Variants in ZNF117 observed in about 807,000 individuals in gnomAD.
ZNF117 encodes the protein zinc finger protein 117.
Under a neutral mutation model 41.2 loss-of-function variants are expected in ZNF117, and 37 were observed. The observed-to-expected ratio is 0.90, with a 90% CI of 0.69 to 1.18. The LOEUF (loss-of-function observed/expected upper bound fraction) is 1.18, where lower values mean the gene tolerates loss of function less well. Ranked by LOEUF, ZNF117 falls within the 50% of genes most tolerant of loss-of-function variation. The probability of loss-of-function intolerance (pLI) is 0.00; values close to 1 mark genes in which losing one functional copy is unlikely to be tolerated. For missense variants in ZNF117, 546 were observed against 557.5 expected, an observed-to-expected ratio of 0.98 and a Z score of 0.21; for synonymous variants, 186 against 186.6, an observed-to-expected ratio of 1.00 and a Z score of 0.02.
At position 64,977,321 on chromosome 7, in the gene ZNF117, C is replaced by G. The variant is rs1050188362; in HGVS notation, c.*798G>C. ...CACATTCTTCACATTTGTAGCATTT[C>G]TCTCCAGTGTGAATTATCTTATATG... On this transcript the variant is annotated 3_prime_UTR_variant, in exon 3 of 3. Coordinates refer to ENST00000620222, the Ensembl canonical transcript of ZNF117. 3 of 419,522 alleles carry G rather than the reference C, an allele frequency of 7.2e-6. No individual in the cohort carries two copies. In the Admixed American group the frequency reaches 9.5e-5, roughly 13 times the overall value. 26.0% of individuals were successfully genotyped at this position (419,522 alleles called of 1,614,324 possible).
upstream of ZNF117, among the ~76,000 whole-genome samples, chr7:64,984,947 C>T (rs929365651): frequency 1.3e-5 from 2 of 152,246 alleles, no homozygotes; most frequent in East Asian, 1.9e-4. Context: ...CGCGCCACCA[C>T]GCCCGGCTAA....
At chr7:64,981,956 T>TA in intron 1 of ZNF117, 28 bp downstream of exon 2, 1 of 544,548 alleles carries the variant, frequency 1.8e-6, no homozygotes, top group East Asian at 3.3e-5. Flanking sequence ...ACCTTTAGGG[T>TA]ATATTAGAAA....
chr7:64,988,703 A>G (rs12056025), intron 1 of ZNF117, among the ~76,000 whole-genome samples: 77,644 of 152,046 alleles, frequency 0.51, 20,797 homozygotes, highest in Admixed American at 0.63. Flanking sequence ...AAAACCCTAT[A>G]GTCTCCACAG....
At chr7:64,978,790 A>G (rs940570697) in exon 3 of ZNF117, 3 of 1,613,006 alleles carry the variant, frequency 1.9e-6, no homozygotes, top group African/African-American at 2.7e-5. Context: ...AGTTTTGAGG[A>G]TCGGTTAAAA....
At chr7:64,983,815 A>G (rs117133128), upstream of ZNF117, among the ~76,000 whole-genome samples, 1,358 of 152,334 alleles carry the variant, frequency 8.9e-3, 10 homozygotes, top group Middle Eastern at 0.031. Flanking sequence ...TCTAAAACAG[A>G]AACCAAAAGC....
Position 64,981,974 on chromosome 7 carries a change from T to C in ZNF117, c.-63+10A>G, listed in dbSNP as rs767899833. On this transcript the variant is annotated intron_variant, in intron 1 of 2. Transcript: ENST00000620222. ...TTTAGGGTATATTAGAAAATGTGTA[T>C]TGAAGTTACCTTCACCCAAGAAAAC... 1 of 604,742 alleles carries C rather than the reference T, an allele frequency of 1.7e-6. No homozygotes were observed. Among genetic ancestry groups the C allele is most frequent in the Non-Finnish European group, 3.0e-6 (1 of 337,424 alleles). 37.5% of individuals were successfully genotyped at this position (604,742 alleles called of 1,614,324 possible).
At chr7:64,983,433 G>A (rs1010783054), upstream of ZNF117, among the ~76,000 whole-genome samples, 1 of 152,172 alleles carries the variant, frequency 6.6e-6, no homozygotes, top group Non-Finnish European at 1.5e-5. Context: ...AGAGACCCTT[G>A]ACTATCATAA....
chr7:64,989,790 T>C (rs191893451), intron 1 of ZNF117, among the ~76,000 whole-genome samples, 157 bp downstream of exon 1: 1 of 121,152 alleles, frequency 8.3e-6, no homozygotes, highest in Admixed American at 8.5e-5. Flanking sequence ...AGAAGAAGAA[T>C]AAGCCAGGAT....
chr7:64,975,214 A>G (rs898577783), exon 3 of ZNF117: 1 of 151,846 alleles, frequency 6.6e-6, no homozygotes, highest in African/African-American at 2.4e-5. Context: ...ATTGGTCTTA[A>G]CATGTTAAAA....
At chr7:64,990,999 T>TA in exon 1 of ZNF117, 1 of 414,536 alleles carries the variant, frequency 2.4e-6, no homozygotes, top group Non-Finnish European at 4.3e-6. Context: ...GTAGCTCTTT[T>TA]CTTGGCAGGG....
At chr7:64,977,007 T>C (rs11970968) in exon 3 of ZNF117, 13,236 of 533,524 alleles carry the variant, frequency 0.025, 1,252 homozygotes, top group African/African-American at 0.21. Context: ...ATTTTTCTTA[T>C]GTGCAGTAAG....
intron 1 of ZNF117, among the ~76,000 whole-genome samples, chr7:64,988,571 A>C (rs920566921): frequency 6.6e-6 from 1 of 152,206 alleles, no homozygotes; most frequent in Non-Finnish European, 1.5e-5. Context: ...CACCACTCCT[A>C]TTCAACATAG....
intron 2 of ZNF117, 34 bp downstream of exon 3, chr7:64,981,353 T>C (rs767844387): frequency 4.3e-6 from 7 of 1,611,908 alleles, no homozygotes; most frequent in East Asian, 4.5e-5. Context: ...TTTGACCTCT[T>C]CTCTGTGCCA....
At chr7:64,985,950 CAAAAAA>C (rs66524694), upstream of ZNF117, among the ~76,000 whole-genome samples, 17 of 82,166 alleles carry the variant, frequency 2.1e-4, 1 homozygote, top group Admixed American at 1.2e-3. Context: ...GACTCCATCT[CAAAAAA>C]AAAAAAAAAA....
chr7:64,981,267 C>A, intron 2 of ZNF117, 120 bp downstream of exon 3: 2 of 1,305,352 alleles, frequency 1.5e-6, no homozygotes, highest in Non-Finnish European at 2.2e-6. Flanking sequence ...AAAAAAAACT[C>A]GGGCTTTCCA....
chr7:64,986,044 A>G (rs776541727), upstream of ZNF117, among the ~76,000 whole-genome samples: 2 of 151,788 alleles, frequency 1.3e-5, no homozygotes, highest in Non-Finnish European at 2.9e-5. Context: ...ATTTTCCACT[A>G]TAACAGCCAG....
intron 1 of ZNF117, among the ~76,000 whole-genome samples, 155 bp downstream of exon 2, chr7:64,981,829 G>C (rs1786039504): frequency 6.6e-6 from 1 of 151,976 alleles, no homozygotes; most frequent in Admixed American, 6.6e-5. Context: ...GAAACATCTT[G>C]AATAAACTAT....
At chr7:64,978,433 T>C (rs1487325142) in exon 3 of ZNF117, 1 of 1,613,720 alleles carries the variant, frequency 6.2e-7, no homozygotes, top group Non-Finnish European at 8.5e-7. Context: ...TGGATTATCT[T>C]ATGTGTATTA....
chr7:64,974,408 G>A (rs1273124920), downstream of ZNF117: 1 of 151,836 alleles, frequency 6.6e-6, no homozygotes, highest in African/African-American at 2.4e-5. Flanking sequence ...TGGCAGTAAT[G>A]AATTCAATAC....
Sources: allele counts gnomAD v4.1 joint callset (sites outside exome capture counted in the v4.1 genomes callset), GRCh38; gene constraint gnomAD v4.1.1; transcripts MANE v1.5; gene names NCBI Gene and HGNC (gene_info 2026-07-23, HGNC 2026-07-21).